DCAF4: variants seen among roughly 807,000 people sequenced by gnomAD.
The protein encoded by DCAF4 is DDB1- and CUL4-associated factor 4.
A neutral mutation model predicts 60.9 loss-of-function variants in DCAF4; 37 were observed. The ratio of observed to expected loss-of-function variants is 0.61; its 90% CI spans 0.47 to 0.80. The LOEUF (loss-of-function observed/expected upper bound fraction) is 0.80, where lower values mean the gene tolerates loss of function less well. Ranked by LOEUF, DCAF4 falls within the 30% of genes least tolerant of loss-of-function variation. DCAF4 has a pLI of 0.00. For synonymous variants in DCAF4, 243 were observed against 254.8 expected (o/e 0.95, Z 0.44); for missense variants, 577 against 650.0 (o/e 0.89, Z 1.22).
At chr14:72,930,826 C>A (rs929127406) in intron 1 of DCAF4, among the ~76,000 whole-genome samples, 1 of 152,076 alleles carries the variant, frequency 6.6e-6, no homozygotes, top group Non-Finnish European at 1.5e-5. Flanking sequence ...CATTCTTTTG[C>A]AGTTTGATAT....
At chr14:72,953,153 A>T (rs1412766365) in intron 9 of DCAF4, among the ~76,000 whole-genome samples, 1 of 150,570 alleles carries the variant, frequency 6.6e-6, no homozygotes, top group Non-Finnish European at 1.5e-5. Context: ...GGCATGTACC[A>T]CCACACCCGG....
chr14:72,947,301 C>A, intron 8 of DCAF4, 110 bp downstream of exon 8: 2 of 1,231,688 alleles, frequency 1.6e-6, no homozygotes, highest in Non-Finnish European at 1.2e-6. Flanking sequence ...GGACTAGACC[C>A]TTGTGCACTT....
intron 1 of DCAF4, among the ~76,000 whole-genome samples, chr14:72,928,186 A>ATTTTTTTTTTTTTTT (rs1887902685): frequency 4.6e-5 from 1 of 21,684 alleles, no homozygotes. Flanking sequence ...GAATCCCCCC[A>ATTTTTTTTTTTTTTT]CTTTTTTTTT....
intron 2 of DCAF4, among the ~76,000 whole-genome samples, chr14:72,939,171 C>T (rs1439916528): frequency 3.9e-5 from 6 of 152,180 alleles, no homozygotes; most frequent in South Asian, 4.2e-4. Flanking sequence ...CTGGCCAACA[C>T]GGCGAAACTC....
chr14:72,956,618 G>C, intron 13 of DCAF4, 118 bp downstream of exon 13: 1 of 934,910 alleles, frequency 1.1e-6, no homozygotes. Context: ...ATCAAGGGGA[G>C]TGTGGACAGC....
intron 6 of DCAF4, among the ~76,000 whole-genome samples, chr14:72,943,739 C>T (rs752804514): frequency 3.9e-5 from 6 of 152,168 alleles, no homozygotes; most frequent in Non-Finnish European, 7.3e-5. Flanking sequence ...CACGTAAGAG[C>T]AGGGCCTGCC....
intron 2 of DCAF4, among the ~76,000 whole-genome samples, chr14:72,938,612 T>C (rs1039403082): frequency 6.6e-6 from 1 of 152,162 alleles, no homozygotes; most frequent in African/African-American, 2.4e-5. Context: ...ACCTAAGCTA[T>C]ATGGTGTAGC....
chr14:72,942,418 T>C (rs528288877), intron 5 of DCAF4: 93 of 155,354 alleles, frequency 6.0e-4, no homozygotes, highest in African/African-American at 2.0e-3. Flanking sequence ...CATGCTCAAG[T>C]GAAGAACCTG....
chr14:72,934,145 C>T (rs1468358497), intron 1 of DCAF4, among the ~76,000 whole-genome samples: 3 of 146,454 alleles, frequency 2.0e-5, no homozygotes, highest in African/African-American at 5.1e-5. Context: ...CACTGCCTTA[C>T]GTGGCATTTT....
intron 1 of DCAF4, 32 bp from the exon 2 acceptor site, chr14:72,937,939 G>C (rs779309732): frequency 9.6e-6 from 15 of 1,561,292 alleles, no homozygotes; most frequent in African/African-American, 6.9e-5. Context: ...CACACACAGA[G>C]ATGTATGGAT....
chr14:72,935,197 T>C (rs9788482), intron 1 of DCAF4: 111,232 of 151,972 alleles, frequency 0.73, 41,057 homozygotes, highest in Non-Finnish European at 0.77. Context: ...GTACTGTCTT[T>C]GTCCTAGCCT....
At chr14:72,954,015 GT>G in intron 9 of DCAF4, 148 bp from the exon 10 acceptor site, 1 of 767,978 alleles carries the variant, frequency 1.3e-6, no homozygotes, top group Non-Finnish European at 2.2e-6. Flanking sequence ...TCCCAGCTGA[GT>G]CTCTCTTGCA....
At chr14:72,960,969 C>T (rs1892796491), downstream of DCAF4, among the ~76,000 whole-genome samples, 1 of 151,544 alleles carries the variant, frequency 6.6e-6, no homozygotes, top group Non-Finnish European at 1.5e-5. Context: ...TCACTGCAGT[C>T]TTGACCTCCT....
Position 72,956,384 on chromosome 14 carries a change from A to G in DCAF4, c.1180-2A>G, listed in dbSNP as rs1183095460. On this transcript the variant is annotated splice_acceptor_variant, in intron 12 of 13. Transcript: ENST00000358377. LOFTEE classifies it high-confidence loss of function. Reference sequence around the variant, plus strand: ...TGATGGCCCCTGGTGCTTTTTCCACAGATCAAGCTGTGGGACCTGAGGACC... The same window carrying G: ...TGATGGCCCCTGGTGCTTTTTCCACGGATCAAGCTGTGGGACCTGAGGACC... The G allele has an allele frequency of 1.3e-6, 2 of 1,597,374 alleles. No homozygotes were observed. The highest frequency in any genetic ancestry group is 1.7e-6 in the Non-Finnish European group (2 of 1,171,926).
chr14:72,941,590 A>G (rs753916676), intron 4 of DCAF4, among the ~76,000 whole-genome samples, 155 bp from the exon 5 acceptor site: 7 of 149,914 alleles, frequency 4.7e-5, no homozygotes, highest in Non-Finnish European at 8.9e-5. Context: ...AGGAAGGGAG[A>G]CTTGGAAAGG....
At chr14:72,934,156 C>CTTTTT (rs72429674) in intron 1 of DCAF4, among the ~76,000 whole-genome samples, 1 of 136,312 alleles carries the variant, frequency 7.3e-6, no homozygotes, top group African/African-American at 2.7e-5. Context: ...GTGGCATTTT[C>CTTTTT]TTTTTTTTTT....
At chr14:72,937,227 CAGA>C (rs1889393590) in intron 1 of DCAF4, among the ~76,000 whole-genome samples, 1 of 151,660 alleles carries the variant, frequency 6.6e-6, no homozygotes, top group Non-Finnish European at 1.5e-5. Context: ...TATGGGGGAA[CAGA>C]TAGATGTCTG....
At position 72,956,469 on chromosome 14, in the gene DCAF4, T is replaced by C; in HGVS notation, c.1263T>C (p.His421=). Residue 421 remains histidine (H), a synonymous_variant, in exon 13 of 14, where the codon CAT becomes CAC. Transcript: ENST00000358377. ...HVNEYAYLPL[H]VHEEEGILVA... ...ATGAGTACGCCTACCTGCCCCTGCA[T>C]GTGCACGAGGAAGAAGGAATCCTGG... 1 of 1,613,232 alleles carries C rather than the reference T, an allele frequency of 6.2e-7. No individual in the cohort carries two copies. The highest frequency in any genetic ancestry group is 8.5e-7 in the Non-Finnish European group (1 of 1,179,652).
chr14:72,956,630 G>A (rs1892340066), intron 13 of DCAF4, 130 bp downstream of exon 13: 7 of 817,762 alleles, frequency 8.6e-6, no homozygotes, highest in Admixed American at 4.3e-5. Flanking sequence ...GTGGACAGCT[G>A]GGTGGGGAGA....
Sources: gnomAD v4.1 joint callset for allele counts (sites outside exome capture counted in the v4.1 genomes callset) on GRCh38, gnomAD v4.1.1 for gene constraint, MANE v1.5 for transcripts, NCBI Gene and HGNC (gene_info 2026-07-23, HGNC 2026-07-21) for gene names.